Variants in ZCCHC7 observed in about 807,000 individuals in gnomAD.
ZCCHC7 encodes the protein zinc finger CCHC-type containing 7.
ZCCHC7 carries 35 observed loss-of-function variants against 52.0 expected under a neutral mutation model. That is an observed-to-expected ratio of 0.67 (90% CI 0.51 to 0.89). The LOEUF is 0.89. Ranked by LOEUF, ZCCHC7 falls within the 40% of genes least tolerant of loss-of-function variation. The pLI, the probability that ZCCHC7 is intolerant of heterozygous loss-of-function variation, is 0.00. For missense variants in ZCCHC7, 574 were observed against 649.1 expected, an observed-to-expected ratio of 0.88 and a Z score of 1.26; for synonymous variants, 217 against 221.5, an observed-to-expected ratio of 0.98 and a Z score of 0.18.
intron 2 of ZCCHC7, among the ~76,000 whole-genome samples, chr9:37,270,682 C>CAA (rs766670950): frequency 3.1e-5 from 3 of 96,024 alleles, no homozygotes; most frequent in South Asian, 3.4e-4. Context: ...AACTTTGTCT[C>CAA]AAAAAAAAAA....
intron 2 of ZCCHC7, among the ~76,000 whole-genome samples, chr9:37,172,571 G>A (rs2132987292): frequency 6.6e-6 from 1 of 152,302 alleles, no homozygotes; most frequent in Middle Eastern, 3.4e-3. Context: ...AGTACTTCCA[G>A]CATTGGTATT....
intron 2 of ZCCHC7, among the ~76,000 whole-genome samples, chr9:37,206,491 A>C (rs1316739633): frequency 6.6e-6 from 1 of 151,962 alleles, no homozygotes; most frequent in African/African-American, 2.4e-5. Flanking sequence ...AGCTGGGACT[A>C]CAAGTATGTA....
At chr9:37,287,106 T>A (rs940310974) in intron 2 of ZCCHC7, among the ~76,000 whole-genome samples, 63 of 137,432 alleles carry the variant, frequency 4.6e-4, no homozygotes, top group Middle Eastern at 3.6e-3. Context: ...TACTGCCCAC[T>A]GCAACCTCTG....
At chr9:37,292,787 T>G in intron 2 of ZCCHC7, among the ~76,000 whole-genome samples, 1 of 152,192 alleles carries the variant, frequency 6.6e-6, no homozygotes, top group East Asian at 1.9e-4. Context: ...CCATGTGTAT[T>G]GCTTTGATAA....
chr9:37,207,648 A>G (rs1219987871), intron 2 of ZCCHC7, among the ~76,000 whole-genome samples: 2 of 152,032 alleles, frequency 1.3e-5, no homozygotes, highest in African/African-American at 4.8e-5. Flanking sequence ...AAACAAAAAA[A>G]AAATCGATTT....
intron 2 of ZCCHC7, among the ~76,000 whole-genome samples, chr9:37,268,683 C>G (rs595800): frequency 0.38 from 57,161 of 151,984 alleles, 11,134 homozygotes; most frequent in Middle Eastern, 0.45. Context: ...ACCTCGGCCT[C>G]CCAAAGTGCT....
chr9:37,245,277 A>T (rs1415629667), intron 2 of ZCCHC7, among the ~76,000 whole-genome samples: 1 of 152,024 alleles, frequency 6.6e-6, no homozygotes, highest in Non-Finnish European at 1.5e-5. Context: ...TTCAATAGAA[A>T]GGATATGTAA....
At chr9:37,193,818 T>C (rs529903967) in intron 2 of ZCCHC7, among the ~76,000 whole-genome samples, 1 of 152,322 alleles carries the variant, frequency 6.6e-6, no homozygotes, top group South Asian at 2.1e-4. Context: ...TTGTCCGCCT[T>C]CAGGAATTTC....
chr9:37,313,298 A>G (rs1829674013), intron 5 of ZCCHC7, among the ~76,000 whole-genome samples: 1 of 138,026 alleles, frequency 7.2e-6, no homozygotes, highest in Non-Finnish European at 1.5e-5. Flanking sequence ...ACTTCAAGAA[A>G]GTTAAGTTGA....
At position 37,176,723 on chromosome 9, in the gene ZCCHC7, C is replaced by T. The variant is rs1057126360; in HGVS notation, c.610+49781C>T. ...CCCTCAGCTTCTGACAATGCTTAAT[C>T]TACCGGTGTCTAAACAGCATTGCAG... is the stretch of plus-strand genomic sequence containing the variant. On this transcript the variant is annotated intron_variant, in intron 2 of 8. Transcript: ENST00000336755. Among the ~76,000 whole-genome samples, 3 of 152,230 alleles carry T rather than the reference C, an allele frequency of 2.0e-5. No individual in the cohort carries two copies. The South Asian group carries it at 6.2e-4, about 32-fold the overall frequency.
intron 2 of ZCCHC7, among the ~76,000 whole-genome samples, chr9:37,207,888 G>A (rs1235542133): frequency 6.6e-6 from 1 of 151,642 alleles, no homozygotes; most frequent in East Asian, 1.9e-4. Context: ...AAATTAATAA[G>A]TTTTATTTTT....
At chr9:37,334,975 A>G (rs1008832422) in intron 6 of ZCCHC7, among the ~76,000 whole-genome samples, 1 of 152,122 alleles carries the variant, frequency 6.6e-6, no homozygotes, top group African/African-American at 2.4e-5. Context: ...TCAACTGGTA[A>G]TAAAGCTACT....
At chr9:37,169,799 T>A (rs1041466853) in intron 2 of ZCCHC7, among the ~76,000 whole-genome samples, 1 of 152,148 alleles carries the variant, frequency 6.6e-6, no homozygotes, top group Non-Finnish European at 1.5e-5. Context: ...TGGCAACTTA[T>A]GCCTGCAGTC....
intron 2 of ZCCHC7, among the ~76,000 whole-genome samples, chr9:37,259,065 A>C (rs1018530801): frequency 1.3e-5 from 2 of 152,172 alleles, no homozygotes; most frequent in African/African-American, 4.8e-5. Flanking sequence ...TAGCAGAAAA[A>C]ATGAAAAACA....
chr9:37,328,599 CATAAT>C (rs1466598197), intron 6 of ZCCHC7, among the ~76,000 whole-genome samples: 1 of 151,778 alleles, frequency 6.6e-6, no homozygotes, highest in East Asian at 1.9e-4. Context: ...AGTTATATAA[CATAAT>C]ATATATTAAT....
chr9:37,336,354 AG>A (rs2118365761), intron 6 of ZCCHC7, among the ~76,000 whole-genome samples: 1 of 152,316 alleles, frequency 6.6e-6, no homozygotes, highest in Non-Finnish European at 1.5e-5. Flanking sequence ...TTTTAAGACA[AG>A]CAAAGGCTCA....
At chr9:37,249,234 A>C (rs543453303) in intron 2 of ZCCHC7, among the ~76,000 whole-genome samples, 5 of 152,246 alleles carry the variant, frequency 3.3e-5, no homozygotes, top group African/African-American at 1.2e-4. Flanking sequence ...GGAGAACCTC[A>C]GAAGGGAGAA....
At chr9:37,318,742 GTC>G (rs1564251398) in intron 5 of ZCCHC7, among the ~76,000 whole-genome samples, 1 of 151,636 alleles carries the variant, frequency 6.6e-6, no homozygotes, top group African/African-American at 2.4e-5. Flanking sequence ...TTGAAACCCT[GTC>G]TCTCCTAAAA....
At chr9:37,206,703 G>C (rs1002758466) in intron 2 of ZCCHC7, among the ~76,000 whole-genome samples, 3 of 152,206 alleles carry the variant, frequency 2.0e-5, no homozygotes, top group Non-Finnish European at 4.4e-5. Flanking sequence ...AAATTGCAGC[G>C]ACTTTGACCT....
Sources: gnomAD v4.1 joint callset for allele counts (sites outside exome capture counted in the v4.1 genomes callset) on GRCh38, gnomAD v4.1.1 for gene constraint, MANE v1.5 for transcripts, NCBI Gene and HGNC (gene_info 2026-07-23, HGNC 2026-07-21) for gene names.